The following LRP1B variants were observed in gnomAD, a reference collection of about 807,000 sequenced individuals.
LRP1B encodes the protein low-density lipoprotein receptor-related protein 1B.
In LRP1B, 217 loss-of-function variants were observed where a neutral mutation model predicts 556.6. That is an observed-to-expected ratio of 0.39 (90% CI 0.35 to 0.44). LRP1B has a LOEUF of 0.44. Ranked by LOEUF, LRP1B falls within the 20% of genes least tolerant of loss-of-function variation. The probability of loss-of-function intolerance (pLI) is 1.00; values close to 1 mark genes in which losing one functional copy is unlikely to be tolerated. For missense variants in LRP1B, 5,053 were observed against 5,620.8 expected, an observed-to-expected ratio of 0.90 and a Z score of 3.23; for synonymous variants, 2,047 against 1,865.8, an observed-to-expected ratio of 1.10 and a Z score of -2.50.
At chr2:141,067,783 A>G (rs1293825902) in intron 7 of LRP1B, among the ~76,000 whole-genome samples, 1 of 152,008 alleles carries the variant, frequency 6.6e-6, no homozygotes, top group African/African-American at 2.4e-5. Flanking sequence ...TCTCTCAATA[A>G]TCTCAACTGC....
intron 7 of LRP1B, among the ~76,000 whole-genome samples, chr2:141,134,924 T>C (rs1387059905): frequency 2.0e-5 from 3 of 150,912 alleles, no homozygotes; most frequent in Non-Finnish European, 4.4e-5. Context: ...AAGGTATTTA[T>C]ATATATATAT....
chr2:141,066,519 GC>G (rs2105475517), intron 7 of LRP1B, among the ~76,000 whole-genome samples: 1 of 151,998 alleles, frequency 6.6e-6, no homozygotes, highest in South Asian at 2.1e-4. Context: ...ACATCTTAAA[GC>G]ATGCATTTTT....
At chr2:141,373,475 C>T (rs1022335306) in intron 3 of LRP1B, among the ~76,000 whole-genome samples, 1 of 152,064 alleles carries the variant, frequency 6.6e-6, no homozygotes, top group Non-Finnish European at 1.5e-5. Flanking sequence ...TGCTGTCTAT[C>T]TCTTTTTTAA....
chr2:140,702,109 G>C, intron 39 of LRP1B, 32 bp downstream of exon 39: 1 of 1,603,642 alleles, frequency 6.2e-7, no homozygotes, highest in Non-Finnish European at 8.5e-7. Flanking sequence ...ATAACATTTT[G>C]AGACTCAAAT....
At chr2:140,793,105 AT>A (rs1240491939) in intron 32 of LRP1B, among the ~76,000 whole-genome samples, 1 of 152,144 alleles carries the variant, frequency 6.6e-6, no homozygotes, top group South Asian at 2.1e-4. Flanking sequence ...GTTTATATAT[AT>A]TTTTTAAATG....
intron 1 of LRP1B, among the ~76,000 whole-genome samples, chr2:142,100,205 G>C (rs1223110540): frequency 1.3e-5 from 2 of 151,938 alleles, no homozygotes; most frequent in Admixed American, 1.3e-4. Context: ...AGGAAGTGTA[G>C]GGTTTGTTGT....
At chr2:140,911,585 C>A (rs1297957919) in intron 21 of LRP1B, among the ~76,000 whole-genome samples, 3 of 151,716 alleles carry the variant, frequency 2.0e-5, no homozygotes, top group Non-Finnish European at 4.4e-5. Flanking sequence ...TATAAGCAAG[C>A]ATAAAGCCTG....
At chr2:141,641,485 C>T (rs1689332399) in intron 2 of LRP1B, among the ~76,000 whole-genome samples, 1 of 152,120 alleles carries the variant, frequency 6.6e-6, no homozygotes, top group Admixed American at 6.6e-5. Context: ...GATTAGTGGA[C>T]TGTAGAATCT....
chr2:141,859,294 C>T (rs149407397), intron 1 of LRP1B, among the ~76,000 whole-genome samples: 4 of 152,214 alleles, frequency 2.6e-5, no homozygotes, highest in Admixed American at 2.0e-4. Flanking sequence ...GAAATAGTAA[C>T]GTCAGCATCA....
intron 27 of LRP1B, among the ~76,000 whole-genome samples, chr2:140,852,931 A>T (rs1386752576): frequency 6.6e-6 from 1 of 152,018 alleles, no homozygotes; most frequent in Non-Finnish European, 1.5e-5. Flanking sequence ...GAACTAGGCT[A>T]CGAAATTGAA....
At chr2:141,113,021 T>C (rs1574085451) in intron 7 of LRP1B, among the ~76,000 whole-genome samples, 1 of 152,228 alleles carries the variant, frequency 6.6e-6, no homozygotes, top group Non-Finnish European at 1.5e-5. Flanking sequence ...CAAAATTCTT[T>C]ACAAATTTGT....
chr2:141,611,492 T>C (rs553446849), intron 2 of LRP1B, among the ~76,000 whole-genome samples: 1 of 152,232 alleles, frequency 6.6e-6, no homozygotes, highest in East Asian at 1.9e-4. Flanking sequence ...CCAACAGTAT[T>C]GAAACCTGAG....
chr2:141,695,716 TA>T (rs554532257), intron 2 of LRP1B, among the ~76,000 whole-genome samples: 2 of 151,624 alleles, frequency 1.3e-5, no homozygotes, highest in Non-Finnish European at 2.9e-5. Flanking sequence ...ACTGTATTGT[TA>T]AAAAAAACCC....
intron 3 of LRP1B, among the ~76,000 whole-genome samples, chr2:141,380,938 T>G (rs1032854154): frequency 6.6e-6 from 1 of 152,130 alleles, no homozygotes; most frequent in Non-Finnish European, 1.5e-5. Flanking sequence ...GAGGTTCCTG[T>G]CTTATATAAA....
intron 7 of LRP1B, among the ~76,000 whole-genome samples, chr2:141,125,844 C>CAAAAAAAAAAAAA (rs386391362): frequency 4.2e-4 from 43 of 102,120 alleles, no homozygotes; most frequent in African/African-American, 1.3e-3. Flanking sequence ...CTTTCAAATG[C>CAAAAAAAAAAAAA]AAAAAAAAAA....
At chr2:140,583,276 G>T (rs959170615) in intron 43 of LRP1B, among the ~76,000 whole-genome samples, 2 of 142,440 alleles carry the variant, frequency 1.4e-5, no homozygotes, top group Admixed American at 1.5e-4. Flanking sequence ...CCAGGTTCAA[G>T]CAATTCTCGT....
At chr2:140,889,875 G>T (rs868297506) in intron 23 of LRP1B, among the ~76,000 whole-genome samples, 3 of 152,242 alleles carry the variant, frequency 2.0e-5, no homozygotes, top group South Asian at 2.1e-4. Context: ...GGCTATAATA[G>T]ACTTGAACAC....
chr2:141,057,375 C>T (rs1699205877), intron 9 of LRP1B, among the ~76,000 whole-genome samples: 2 of 151,894 alleles, frequency 1.3e-5, no homozygotes, highest in Admixed American at 1.3e-4. Context: ...ACTCCTTGAA[C>T]AGTCTAGACA....
At chr2:141,626,465 C>G (rs79154357) in intron 2 of LRP1B, among the ~76,000 whole-genome samples, 3 of 152,128 alleles carry the variant, frequency 2.0e-5, no homozygotes, top group Non-Finnish European at 4.4e-5. Flanking sequence ...ATAAGCTGGA[C>G]TTCATTAAAA....
Sources: gnomAD v4.1 joint callset for allele counts (sites outside exome capture counted in the v4.1 genomes callset) on GRCh38, gnomAD v4.1.1 for gene constraint, MANE v1.5 for transcripts, NCBI Gene and HGNC (gene_info 2026-07-23, HGNC 2026-07-21) for gene names.